Variants in MYO1B observed in about 807,000 individuals in gnomAD.
MYO1B encodes unconventional myosin-Ib.
A neutral mutation model predicts 159.7 loss-of-function variants in MYO1B; 72 were observed. The observed-to-expected ratio is 0.45, with a 90% CI of 0.37 to 0.55. The LOEUF is 0.55. MYO1B is among the 20% of genes least tolerant of loss of function. The pLI is 0.00. For synonymous variants in MYO1B, 468 were observed against 473.8 expected (o/e 0.99, Z 0.16); for missense variants, 1,062 against 1,364.8 (o/e 0.78, Z 3.50).
In MYO1B at chr2:191,404,397, T is replaced by C. The variant is rs150733141; in HGVS notation, c.2556+1679T>C. 1.9e-3 allele frequency among the ~76,000 whole-genome samples: 284 copies of C among 152,324 alleles called. 1 individual carries two copies. The Middle Eastern group carries it at 0.024, about 13-fold the overall frequency. On this transcript the variant is annotated intron_variant, in intron 24 of 30. Transcript: ENST00000392318. The stretch of plus-strand genomic sequence containing the variant: ...AAATATCGTATGACTTCAGGTATAT[T>C]TTTAATGATATATTCTTATGTAACT...
intron 1 of MYO1B, among the ~76,000 whole-genome samples, chr2:191,257,149 T>C (rs946849155): frequency 3.3e-5 from 5 of 152,204 alleles, no homozygotes; most frequent in Admixed American, 3.3e-4. Flanking sequence ...ATCAGTTTTA[T>C]TTTTATTGTC....
intron 21 of MYO1B, among the ~76,000 whole-genome samples, chr2:191,397,399 C>T (rs560871526): frequency 1.7e-4 from 25 of 148,992 alleles, no homozygotes; most frequent in African/African-American, 2.7e-4. Context: ...TGACTCTTAA[C>T]GAGCATGCTG....
intron 15 of MYO1B, among the ~76,000 whole-genome samples, chr2:191,383,614 C>T (rs1695228409): frequency 1.3e-5 from 2 of 150,400 alleles, no homozygotes; most frequent in South Asian, 4.2e-4. Flanking sequence ...AGATCATACA[C>T]AGTTCTTGAA....
chr2:191,261,511 GGATCA>G (rs1686810451), intron 1 of MYO1B, among the ~76,000 whole-genome samples: 1 of 152,208 alleles, frequency 6.6e-6, no homozygotes, highest in African/African-American at 2.4e-5. Flanking sequence ...TGTCCGTTGT[GGATCA>G]GATGGGGACT....
At chr2:191,311,667 A>T (rs1690010340) in intron 3 of MYO1B, among the ~76,000 whole-genome samples, 1 of 152,234 alleles carries the variant, frequency 6.6e-6, no homozygotes, top group African/African-American at 2.4e-5. Context: ...ATTATGGATT[A>T]AAAAAGGGAC....
intron 3 of MYO1B, among the ~76,000 whole-genome samples, chr2:191,320,427 A>G (rs1395941454): frequency 6.6e-6 from 1 of 152,122 alleles, no homozygotes; most frequent in Non-Finnish European, 1.5e-5. Context: ...GACTCTTATT[A>G]TTCTTATTTT....
chr2:191,301,705 A>T (rs1689341657), intron 3 of MYO1B, among the ~76,000 whole-genome samples: 1 of 152,230 alleles, frequency 6.6e-6, no homozygotes, highest in South Asian at 2.1e-4. Context: ...ACTCCCAAAC[A>T]TCTTGGTTAA....
At chr2:191,400,590 C>A in intron 22 of MYO1B, 122 bp downstream of exon 22, 1 of 1,365,188 alleles carries the variant, frequency 7.3e-7, no homozygotes, top group Non-Finnish European at 1.0e-6. Context: ...GTGTTTGCTT[C>A]TTGCTCTTTC....
At chr2:191,422,040 A>G (rs1697972234) in intron 30 of MYO1B, among the ~76,000 whole-genome samples, 1 of 152,202 alleles carries the variant, frequency 6.6e-6, no homozygotes, top group Non-Finnish European at 1.5e-5. Flanking sequence ...GTTTCATTCT[A>G]GCAGATAATG....
intron 21 of MYO1B, among the ~76,000 whole-genome samples, chr2:191,398,261 C>G (rs1414041224): frequency 2.6e-5 from 2 of 75,524 alleles, no homozygotes; most frequent in Non-Finnish European, 5.8e-5. Context: ...CCCCCTCCCC[C>G]CTCCCGGACG....
At chr2:191,411,025 A>T (rs991265033) in intron 26 of MYO1B, 41 bp from the exon 27 acceptor site, 3 of 1,135,124 alleles carry the variant, frequency 2.6e-6, no homozygotes, top group Non-Finnish European at 3.9e-6. Context: ...TAATTTATTT[A>T]TATAAATGAT....
rs1399588954 is a variant in MYO1B, at chr2:191,398,413, C to T, written c.2295+1916C>T. On this transcript the variant is annotated intron_variant, in intron 21 of 30. Transcript: ENST00000392318. ...CTCCCGGACGGGGCGGCTGGCCGGG[C>T]GGGGGGCTGACCCCCCCCCACCTCC... is the stretch of plus-strand genomic sequence containing the variant. Among the ~76,000 whole-genome samples, 8 of 57,174 alleles carry T rather than the reference C, an allele frequency of 1.4e-4. No homozygotes were observed. The East Asian group carries it at 3.3e-3, about 23-fold the overall frequency. 37.5% of individuals were successfully genotyped at this position (57,174 alleles called of 152,430 possible).
intron 30 of MYO1B, among the ~76,000 whole-genome samples, chr2:191,418,265 G>T (rs978443119): frequency 6.6e-6 from 1 of 152,110 alleles, no homozygotes; most frequent in Non-Finnish European, 1.5e-5. Flanking sequence ...ATAGGCAGGG[G>T]CGCCTGTTCC....
At position 191,351,188 on chromosome 2, in the gene MYO1B, TAA is replaced by T. The variant is rs78654761; in HGVS notation, c.562+977_562+978del. Among the ~76,000 whole-genome samples the T allele has an allele frequency of 5.3e-3, 735 of 139,430 alleles. 2 individuals are homozygous for T. The highest frequency in any genetic ancestry group is 0.016 in the African/African-American group (592 of 37,698). 91.5% of individuals were successfully genotyped at this position (139,430 alleles called of 152,430 possible). ...GAATGAAAAAATTTATGTTTAGACC[TAA>T]AAAAAAAAAAAAAGAAAGTTGACTG... On this transcript the variant is annotated intron_variant, in intron 7 of 30. Coordinates refer to ENST00000392318, the MANE Select transcript of MYO1B (RefSeq NM_001130158.3).
chr2:191,360,700 T>G lies in MYO1B; in HGVS notation c.632T>G (p.Leu211Arg). 1 of 1,613,184 alleles carries G rather than the reference T, an allele frequency of 6.2e-7. No individual in the cohort carries two copies. Among genetic ancestry groups the G allele is most frequent in the Non-Finnish European group, 8.5e-7 (1 of 1,179,384 alleles). ...GERNFHVFYQ[L>R]LSGASEELLN... is the part of the protein sequence containing the mutation. Reference sequence around the variant, plus strand: ...AGAAACTTCCATGTGTTCTATCAGCTGCTCTCTGGTGCCTCTGAAGAGCTC... The same window carrying G: ...AGAAACTTCCATGTGTTCTATCAGCGGCTCTCTGGTGCCTCTGAAGAGCTC... Residue 211 changes from leucine to arginine, a missense_variant, in exon 8 of 31, where the codon CTG (leucine) becomes CGG (arginine). Leu to Arg is a moderately radical substitution (Grantham distance 102). Around this residue, in one of 5 missense-constraint regions of MYO1B, gnomAD observed 415 missense variants for 544.0 expected, o/e 0.76. Transcript: ENST00000392318.
At chr2:191,260,253 G>GGTTTTTTTTTTTTTTTTTTTTT (rs1256549425) in intron 1 of MYO1B, among the ~76,000 whole-genome samples, 2 of 22,674 alleles carry the variant, frequency 8.8e-5, no homozygotes, top group Non-Finnish European at 7.8e-4. Flanking sequence ...TCCCAGATAG[G>GGTTTTTTTTTTTTTTTTTTTTT]CTTTTTTTTT....
chr2:191,247,227 T>C (rs941858757), intron 1 of MYO1B, among the ~76,000 whole-genome samples: 8 of 152,214 alleles, frequency 5.3e-5, no homozygotes, highest in Non-Finnish European at 1.2e-4. Context: ...GTTGTAGTAG[T>C]CTGGCTGCAG....
At chr2:191,375,973 A>T (rs1011667116) in intron 13 of MYO1B, among the ~76,000 whole-genome samples, 6 of 151,938 alleles carry the variant, frequency 3.9e-5, no homozygotes, top group African/African-American at 1.2e-4. Context: ...AAAAAAAAAA[A>T]ATTCAAACTT....
chr2:191,343,587 A>G (rs1239196262), intron 5 of MYO1B, among the ~76,000 whole-genome samples: 1 of 152,172 alleles, frequency 6.6e-6, no homozygotes, highest in Admixed American at 6.5e-5. Context: ...TTATTGTTCC[A>G]ATATTTGACT....
Sources: allele counts gnomAD v4.1 joint callset (sites outside exome capture counted in the v4.1 genomes callset), GRCh38; gene constraint gnomAD v4.1.1; regional missense constraint gnomAD v4.1.1; transcripts MANE v1.5; gene names NCBI Gene and HGNC (gene_info 2026-07-23, HGNC 2026-07-21).